NDST3: variants seen among roughly 807,000 people sequenced by gnomAD.
The protein encoded by NDST3 is bifunctional heparan sulfate N-deacetylase/N-sulfotransferase 3.
NDST3 carries 58 observed loss-of-function variants against 96.1 expected under a neutral mutation model. The observed-to-expected ratio is 0.60, with a 90% confidence interval of 0.49 to 0.75. The LOEUF (loss-of-function observed/expected upper bound fraction) is 0.75. Among genes scored for constraint, NDST3 ranks in the 30% least tolerant of loss-of-function variants. The probability of loss-of-function intolerance (pLI) is 0.00; values close to 1 mark genes in which losing one functional copy is unlikely to be tolerated. For synonymous variants in NDST3, 333 were observed against 359.7 expected (o/e 0.93, Z 0.84); for missense variants, 788 against 1,034.2 (o/e 0.76, Z 3.27).
intron 4 of NDST3, among the ~76,000 whole-genome samples, chr4:118,121,425 T>C (rs1476985501): frequency 1.3e-5 from 2 of 152,210 alleles, no homozygotes; most frequent in African/African-American, 4.8e-5. Flanking sequence ...GATAACACTG[T>C]CATCTACTCC....
intron 9 of NDST3, 92 bp downstream of exon 9, chr4:118,233,227 T>C: frequency 8.6e-7 from 1 of 1,156,670 alleles, no homozygotes; most frequent in Non-Finnish European, 1.1e-6. Context: ...AAGTTTGTAG[T>C]CACAAATAAA....
chr4:118,119,551 A>C lies in NDST3; in HGVS notation c.1224+4591A>C, dbSNP rs550535804. Among the ~76,000 whole-genome samples, 5 of 152,348 alleles carry C rather than the reference A, an allele frequency of 3.3e-5. No homozygotes were observed. The East Asian group carries it at 9.6e-4, about 29-fold the overall frequency. ...CACTTTAGAGTAATTCAAGCAGCAC[A>C]GTTTAGAAAGACATTGGCCATTGTT... On this transcript the variant is annotated intron_variant, in intron 4 of 13. Coordinates refer to ENST00000296499, the MANE Select transcript of NDST3 (RefSeq NM_004784.3).
At chr4:118,127,420 T>C (rs1732203052) in intron 4 of NDST3, among the ~76,000 whole-genome samples, 1 of 152,074 alleles carries the variant, frequency 6.6e-6, no homozygotes, top group Admixed American at 6.6e-5. Flanking sequence ...GGAAATCTAG[T>C]TTTTCAAGCA....
chr4:118,248,686 T>C (rs1741472177), intron 12 of NDST3, among the ~76,000 whole-genome samples: 1 of 152,194 alleles, frequency 6.6e-6, no homozygotes, highest in Admixed American at 6.5e-5. Flanking sequence ...GCCATGACAA[T>C]GGTTGCCAGT....
intron 1 of NDST3, among the ~76,000 whole-genome samples, chr4:118,039,054 A>C (rs963685850): frequency 6.6e-6 from 1 of 152,202 alleles, no homozygotes; most frequent in Non-Finnish European, 1.5e-5. Context: ...CCAAAAACTA[A>C]TTGCTTCTTC....
intron 4 of NDST3, among the ~76,000 whole-genome samples, chr4:118,137,688 G>A (rs1283356644): frequency 1.3e-5 from 2 of 152,082 alleles, no homozygotes; most frequent in Admixed American, 6.6e-5. Context: ...TTTATTTTGC[G>A]GGAAGTGCTT....
At chr4:118,100,664 G>A (rs1004700781) in intron 2 of NDST3, among the ~76,000 whole-genome samples, 2 of 152,090 alleles carry the variant, frequency 1.3e-5, no homozygotes, top group African/African-American at 4.8e-5. Context: ...AGTGATAAGA[G>A]GGTTCATGTT....
chr4:118,197,065 T>G (rs1050954474), intron 6 of NDST3, among the ~76,000 whole-genome samples: 1 of 152,028 alleles, frequency 6.6e-6, no homozygotes, highest in Non-Finnish European at 1.5e-5. Flanking sequence ...TCCAAGAAAT[T>G]TTTCAATTTC....
chr4:118,082,996 G>C (rs1467597912), intron 2 of NDST3, among the ~76,000 whole-genome samples: 1 of 152,072 alleles, frequency 6.6e-6, no homozygotes, highest in Non-Finnish European at 1.5e-5. Context: ...ACAATCACCA[G>C]AACAGCAAGC....
chr4:118,223,369 C>T (rs953516832), intron 6 of NDST3, among the ~76,000 whole-genome samples: 2 of 151,988 alleles, frequency 1.3e-5, no homozygotes, highest in Admixed American at 6.6e-5. Context: ...TGGTAAAAGG[C>T]TTAGTTCCCA....
chr4:118,105,078 G>A lies in NDST3; in HGVS notation c.1042G>A (p.Gly348Arg), dbSNP rs1332394435. 6.2e-7 allele frequency: 1 copy of A among 1,612,590 alleles called. No individual in the cohort carries two copies. Among genetic ancestry groups the A allele is most frequent in the South Asian group, 1.1e-5 (1 of 90,986 alleles). ...AATCACAAATTTTACATTCAACCTG[G>A]GATTTTCAGGGAAATTTTACCATAC... ...AQITNFTFNL[G>R]FSGKFYHTGT... Residue 348 changes from glycine to arginine, a missense_variant, in exon 3 of 14, where the codon GGA (glycine) becomes AGA (arginine). By Grantham distance (125) the Gly-to-Arg change is moderately radical. Coordinates refer to ENST00000296499, the MANE Select transcript of NDST3 (RefSeq NM_004784.3).
At chr4:118,150,408 C>G (rs1391741592) in intron 6 of NDST3, among the ~76,000 whole-genome samples, 3 of 152,050 alleles carry the variant, frequency 2.0e-5, no homozygotes. Context: ...AACTCAAGAG[C>G]TTCTGCACAG....
At chr4:118,210,646 C>T (rs938068500) in intron 6 of NDST3, among the ~76,000 whole-genome samples, 11 of 151,756 alleles carry the variant, frequency 7.2e-5, no homozygotes, top group South Asian at 2.1e-4. Flanking sequence ...TGTGGTGGCA[C>T]GCTCCTGTAG....
chr4:118,078,174 C>G (rs1377880479), intron 2 of NDST3, among the ~76,000 whole-genome samples: 1 of 152,136 alleles, frequency 6.6e-6, no homozygotes, highest in Non-Finnish European at 1.5e-5. Context: ...TCAGCCCAGA[C>G]AGGCTGGTGC....
intron 3 of NDST3, among the ~76,000 whole-genome samples, chr4:118,107,346 A>C (rs900883537): frequency 5.9e-5 from 9 of 152,196 alleles, no homozygotes; most frequent in Non-Finnish European, 1.2e-4. Context: ...AGGATAGATG[A>C]ACACAATTTC....
intron 6 of NDST3, among the ~76,000 whole-genome samples, chr4:118,188,751 A>G: frequency 6.6e-6 from 1 of 152,180 alleles, no homozygotes; most frequent in Non-Finnish European, 1.5e-5. Context: ...TCACAAACCT[A>G]TATCCAAGAG....
intron 6 of NDST3, among the ~76,000 whole-genome samples, chr4:118,211,170 C>A (rs1205122125): frequency 6.6e-6 from 1 of 151,966 alleles, no homozygotes. Flanking sequence ...TTCTTTGAAC[C>A]AAAAGATTTA....
chr4:118,128,767 GTTC>G (rs1306942811), intron 4 of NDST3, among the ~76,000 whole-genome samples: 1 of 151,946 alleles, frequency 6.6e-6, no homozygotes, highest in Non-Finnish European at 1.5e-5. Context: ...ATTGCTGTTA[GTTC>G]TTCTTTAAAT....
intron 1 of NDST3, among the ~76,000 whole-genome samples, chr4:118,040,865 TTTTA>T (rs1457205017): frequency 8.5e-3 from 244 of 28,742 alleles, no homozygotes; most frequent in Non-Finnish European, 0.012. Context: ...ATTTATATAT[TTTTA>T]TATATATATA....
Sources: allele counts gnomAD v4.1 joint callset (sites outside exome capture counted in the v4.1 genomes callset), GRCh38; gene constraint gnomAD v4.1.1; transcripts MANE v1.5; gene names NCBI Gene and HGNC (gene_info 2026-07-23, HGNC 2026-07-21).